The following ZPBP variants were observed in gnomAD, a reference collection of about 807,000 sequenced individuals.
ZPBP encodes the protein zona pellucida-binding protein 1.
Under a neutral mutation model 44.8 loss-of-function variants are expected in ZPBP, and 26 were observed. The observed-to-expected ratio is 0.58, with a 90% CI of 0.43 to 0.81. ZPBP has a LOEUF of 0.81. ZPBP is among the 30% of genes least tolerant of loss of function. The pLI, the probability that ZPBP is intolerant of heterozygous loss-of-function variation, is 0.00. For missense variants in ZPBP, 409 were observed against 434.0 expected (o/e 0.94, Z 0.51); for synonymous variants, 174 against 153.2 (o/e 1.14, Z -1.00).
chr7:49,876,693 TTCC>T (rs1276069389), intron 2 of ZPBP, among the ~76,000 whole-genome samples: 1 of 152,160 alleles, frequency 6.6e-6, no homozygotes, highest in East Asian at 1.9e-4. Context: ...AAGATCCCCC[TTCC>T]TCCTCCTTTT....
At chr7:49,981,682 TA>T (rs1562820545) in intron 7 of ZPBP, among the ~76,000 whole-genome samples, 1 of 40,776 alleles carries the variant, frequency 2.5e-5, no homozygotes, top group East Asian at 7.2e-4. Context: ...ATATTATATA[TA>T]ATAATATATA....
At chr7:49,864,338 C>A (rs375359269) in intron 2 of ZPBP, among the ~76,000 whole-genome samples, 9 of 152,302 alleles carry the variant, frequency 5.9e-5, no homozygotes, top group Admixed American at 4.6e-4. Context: ...CCTTCCTTCA[C>A]CCCTTAACTG....
intron 7 of ZPBP, among the ~76,000 whole-genome samples, chr7:49,947,042 T>C (rs890940749): frequency 1.1e-4 from 16 of 152,120 alleles, no homozygotes; most frequent in Non-Finnish European, 1.5e-4. Flanking sequence ...TGCTTGATGC[T>C]TTTTAATTAT....
intron 3 of ZPBP, among the ~76,000 whole-genome samples, chr7:50,068,752 T>C (rs900177292): frequency 6.6e-6 from 1 of 152,228 alleles, no homozygotes; most frequent in Non-Finnish European, 1.5e-5. Context: ...CTGCAATTTA[T>C]GCCTGGTATC....
chr7:50,006,253 C>T (rs1798306682), intron 6 of ZPBP, among the ~76,000 whole-genome samples: 1 of 151,886 alleles, frequency 6.6e-6, no homozygotes, highest in South Asian at 2.1e-4. Context: ...AGAACCTGAA[C>T]AATACCATAG....
intron 6 of ZPBP, among the ~76,000 whole-genome samples, chr7:49,990,449 A>G (rs2128787608): frequency 6.6e-6 from 1 of 152,254 alleles, no homozygotes; most frequent in African/African-American, 2.4e-5. Context: ...TATACCCTGG[A>G]TATTCACTAG....
chr7:50,001,503 G>T (rs1798092597), intron 6 of ZPBP, among the ~76,000 whole-genome samples: 1 of 152,078 alleles, frequency 6.6e-6, no homozygotes, highest in Non-Finnish European at 1.5e-5. Flanking sequence ...TTTGTATCTG[G>T]TAATGCGAGG....
At chr7:49,881,926 TTTTCC>T (rs1791682849) in intron 2 of ZPBP, among the ~76,000 whole-genome samples, 1 of 152,084 alleles carries the variant, frequency 6.6e-6, no homozygotes, top group South Asian at 2.1e-4. Flanking sequence ...TTAATTAAAA[TTTTCC>T]TTTCCTTTTT....
intron 2 of ZPBP, among the ~76,000 whole-genome samples, chr7:49,896,684 T>C (rs919133617): frequency 6.6e-6 from 1 of 151,856 alleles, no homozygotes; most frequent in African/African-American, 2.4e-5. Flanking sequence ...ATTACTAAAA[T>C]AAGTCATAAA....
At chr7:49,982,201 T>TA (rs1562821190) in intron 7 of ZPBP, among the ~76,000 whole-genome samples, 3 of 27,378 alleles carry the variant, frequency 1.1e-4, no homozygotes, top group African/African-American at 3.2e-4. Flanking sequence ...TATATATTTA[T>TA]TATATATATA....
intron 4 of ZPBP, among the ~76,000 whole-genome samples, chr7:50,043,338 G>C (rs986760991): frequency 2.0e-5 from 3 of 152,166 alleles, no homozygotes; most frequent in South Asian, 2.1e-4. Flanking sequence ...ATATTTCTAT[G>C]TGTGTGTCTT....
At chr7:50,041,790 AC>A (rs1205483901) in intron 4 of ZPBP, among the ~76,000 whole-genome samples, 1 of 152,210 alleles carries the variant, frequency 6.6e-6, no homozygotes, top group Non-Finnish European at 1.5e-5. Flanking sequence ...ACAACTCCTC[AC>A]CAGCAAGGGA....
intron 2 of ZPBP, among the ~76,000 whole-genome samples, chr7:49,885,346 T>A (rs1562752318): frequency 6.6e-6 from 1 of 152,090 alleles, no homozygotes; most frequent in African/African-American, 2.4e-5. Context: ...ACCTAATTTT[T>A]AAAAAATATC....
chr7:49,938,927 C>G (rs1195166742), intron 7 of ZPBP, among the ~76,000 whole-genome samples: 1 of 151,862 alleles, frequency 6.6e-6, no homozygotes, highest in Non-Finnish European at 1.5e-5. Context: ...AATATTTTAC[C>G]ATTTTTTAGA....
intron 4 of ZPBP, among the ~76,000 whole-genome samples, chr7:50,043,048 C>T (rs1041406608): frequency 1.3e-5 from 2 of 152,126 alleles, no homozygotes; most frequent in African/African-American, 4.8e-5. Flanking sequence ...AACACCTGGC[C>T]CACCCAGGGC....
intron 6 of ZPBP, among the ~76,000 whole-genome samples, chr7:49,995,234 T>C (rs1484757109): frequency 6.6e-6 from 1 of 152,208 alleles, no homozygotes; most frequent in Non-Finnish European, 1.5e-5. Flanking sequence ...GAAAAGGTGA[T>C]CAAGATCTCT....
intron 2 of ZPBP, among the ~76,000 whole-genome samples, chr7:49,870,848 C>T (rs1791120278): frequency 6.6e-6 from 1 of 152,112 alleles, no homozygotes; most frequent in African/African-American, 2.4e-5. Flanking sequence ...TGGGAGAATC[C>T]CAGTTCAAGA....
chr7:50,034,952 C>T (rs1799765270), intron 4 of ZPBP, among the ~76,000 whole-genome samples: 1 of 152,242 alleles, frequency 6.6e-6, no homozygotes, highest in South Asian at 2.1e-4. Flanking sequence ...GTTAAAGACG[C>T]TGAAAATGGA....
At position 49,944,846 on chromosome 7, in the gene ZPBP, T is replaced by TTTCA. The variant is rs1554350826; in HGVS notation, c.962-7225_962-7224insTGAA. Among the ~76,000 whole-genome samples the TTTCA allele has an allele frequency of 3.7e-3, 566 of 151,130 alleles. 1 individual carries two copies. The highest frequency in any genetic ancestry group is 0.012 in the African/African-American group (501 of 41,268). On this transcript the variant is annotated intron_variant, in intron 7 of 7. Coordinates refer to ENST00000046087, the MANE Select transcript of ZPBP (RefSeq NM_007009.3). ...ATTTCATTGATTTTTGTATTTTTTTTATTTCATTTATTTCTGCTCTGATCT... is the reference window on the plus strand; with the variant it reads ...ATTTCATTGATTTTTGTATTTTTTTTTTCAATTTCATTTATTTCTGCTCTGATCT...
Sources: gnomAD v4.1 joint callset for allele counts (sites outside exome capture counted in the v4.1 genomes callset) on GRCh38, gnomAD v4.1.1 for gene constraint, MANE v1.5 for transcripts, NCBI Gene and HGNC (gene_info 2026-07-23, HGNC 2026-07-21) for gene names.